EPS8: variants seen among roughly 807,000 people sequenced by gnomAD.
EPS8 encodes epidermal growth factor receptor kinase substrate 8.
A neutral mutation model predicts 103.8 loss-of-function variants in EPS8; 42 were observed. The observed-to-expected ratio is 0.40, with a 90% CI of 0.32 to 0.52. The LOEUF is 0.52. EPS8 is among the 20% of genes least tolerant of loss of function. The pLI, the probability that EPS8 is intolerant of heterozygous loss-of-function variation, is 0.40. For missense variants in EPS8, 969 were observed against 1,005.1 expected, an observed-to-expected ratio of 0.96 and a Z score of 0.49; for synonymous variants, 344 against 344.6, an observed-to-expected ratio of 1.00 and a Z score of 0.02.
chr12:15,677,153 C>T (rs2135872216), intron 3 of EPS8, among the ~76,000 whole-genome samples: 1 of 152,100 alleles, frequency 6.6e-6, no homozygotes, highest in South Asian at 2.1e-4. Context: ...AATCTGAGGA[C>T]CCAGGACAGA....
rs1243069813 is a variant in EPS8 at position 15,736,383 on chromosome 12, TAC to T, written c.-22+52776_-22+52777del. On this transcript the variant is annotated intron_variant, in intron 1 of 20. Coordinates refer to ENST00000281172, the MANE Select transcript of EPS8 (RefSeq NM_004447.6). This position sits in a 1 kb window ranked among gnomAD's most constrained non-coding sequence, Gnocchi z 4.2. ...TACTGAAGAGAATTTCATTCTTCTGTACAGAGGTTAATATAATAAAAAATCAC... is the reference window on the plus strand; with the variant it reads ...TACTGAAGAGAATTTCATTCTTCTGTAGAGGTTAATATAATAAAAAATCAC... Among the ~76,000 whole-genome samples, 8 of 152,192 alleles carry T rather than the reference TAC, an allele frequency of 5.3e-5. No individual in the cohort carries two copies. Among genetic ancestry groups the T allele is most frequent in the Non-Finnish European group, 1.2e-4 (8 of 68,036 alleles).
Position 15,669,515 on chromosome 12 carries a change from A to G in EPS8, c.388T>C (p.Leu130=). ...GCTTGGCAGTGCTGGATTGTGTTTA[A>G]AGGAAAATTCTCCAGTTCATTCTAT... ...ESKNELENFP[L]NTIQHCQAVM... The change falls in exon 6 of 21, where the codon TTA becomes CTA. Residue 130 remains leucine (L), a synonymous_variant. Coordinates refer to ENST00000281172, the MANE Select transcript of EPS8 (RefSeq NM_004447.6). 1 of 1,603,764 alleles carries G rather than the reference A, an allele frequency of 6.2e-7. No individual in the cohort carries two copies. The highest frequency in any genetic ancestry group is 8.5e-7 in the Non-Finnish European group (1 of 1,176,076).
chr12:15,768,429 CAAA>C (rs71042268), intron 1 of EPS8, among the ~76,000 whole-genome samples: 1 of 24,834 alleles, frequency 4.0e-5, no homozygotes, highest in Non-Finnish European at 7.1e-5. Flanking sequence ...GACTCCATCT[CAAA>C]AAAAAAAAAA....
At position 15,706,571 on chromosome 12, in the gene EPS8, C is replaced by T. The variant is rs1946389908; in HGVS notation, c.-21-23599G>A. Among the ~76,000 whole-genome samples, 2 of 152,160 alleles carry T rather than the reference C, an allele frequency of 1.3e-5. No homozygotes were observed. Among genetic ancestry groups the T allele is most frequent in the Admixed American group, 6.5e-5 (1 of 15,280 alleles). ...ATTTGGGCCAATATTTGCTTAATAT[C>T]TGCATTTCAAAAATAAAGTACTAGC... is the stretch of plus-strand genomic sequence containing the variant. On this transcript the variant is annotated intron_variant, in intron 1 of 20. Transcript: ENST00000281172. The surrounding 1 kb of genome is among the most constrained non-coding windows in gnomAD (Gnocchi z 5.2).
At position 15,772,835 on chromosome 12, in the gene EPS8, C is replaced by G. The variant is rs1947168392; in HGVS notation, c.-22+16326G>C. Among the ~76,000 whole-genome samples, 1 of 152,110 alleles carries G rather than the reference C, an allele frequency of 6.6e-6. No homozygotes were observed. The highest frequency in any genetic ancestry group is 2.1e-4 in the South Asian group (1 of 4,814). ...ACATTCATTCAGCAAATAGACGGGT[C>G]TACAAAGTACCAGAAACCCTAAATG... is the stretch of plus-strand genomic sequence containing the variant. On this transcript the variant is annotated intron_variant, in intron 1 of 20. Coordinates refer to ENST00000281172, the MANE Select transcript of EPS8 (RefSeq NM_004447.6). The surrounding 1 kb of genome is among the most constrained non-coding windows in gnomAD (Gnocchi z 5.0).
At chr12:15,649,141 C>T (rs1028392792) in intron 14 of EPS8, among the ~76,000 whole-genome samples, 2 of 152,054 alleles carry the variant, frequency 1.3e-5, no homozygotes, top group Admixed American at 6.6e-5. Context: ...TAGTTTATAA[C>T]AGGAAAATAA....
At chr12:15,653,838 G>GTC (rs1464772393) in intron 13 of EPS8, among the ~76,000 whole-genome samples, 18 of 152,158 alleles carry the variant, frequency 1.2e-4, no homozygotes, top group Non-Finnish European at 8.8e-5. Context: ...AACCCTATGT[G>GTC]TACCTGTCGA....
Position 15,728,921 on chromosome 12 carries a change from C to T in EPS8, c.-21-45949G>A, listed in dbSNP as rs1946683595. 6.6e-6 allele frequency among the ~76,000 whole-genome samples: 1 copy of T among 152,070 alleles called. No individual in the cohort carries two copies. Among genetic ancestry groups the T allele is most frequent in the African/African-American group, 2.4e-5 (1 of 41,414 alleles). ...AAATCCATCTTTTTTAAAAACATTT[C>T]TTGTAAGGCACTGTGCTGGCAGCAA... On this transcript the variant is annotated intron_variant, in intron 1 of 20. Coordinates refer to ENST00000281172, the MANE Select transcript of EPS8 (RefSeq NM_004447.6). The surrounding 1 kb of genome is among the most constrained non-coding windows in gnomAD (Gnocchi z 4.5).
intron 1 of EPS8, among the ~76,000 whole-genome samples, chr12:15,720,376 C>T (rs180925634): frequency 1.2e-3 from 176 of 152,122 alleles, no homozygotes; most frequent in Non-Finnish European, 2.2e-3. Flanking sequence ...TACACTTGAA[C>T]CCCTGGGCTA....
At position 15,700,097 on chromosome 12, in the gene EPS8, G is replaced by C. The variant is rs1946293294; in HGVS notation, c.-21-17125C>G. Among the ~76,000 whole-genome samples the C allele has an allele frequency of 6.6e-6, 1 of 152,210 alleles. No individual in the cohort carries two copies. Among genetic ancestry groups the C allele is most frequent in the Admixed American group, 6.5e-5 (1 of 15,276 alleles). ...TTGAACACAGGAGGCGGAAGTTGCA[G>C]TGAGCTGAGATCATGCCTCTGCACT... On this transcript the variant is annotated intron_variant, in intron 1 of 20. Transcript: ENST00000281172. This position sits in a 1 kb window ranked among gnomAD's most constrained non-coding sequence, Gnocchi z 5.1.
intron 15 of EPS8, among the ~76,000 whole-genome samples, chr12:15,644,377 CT>C (rs1371925354): frequency 5.9e-5 from 9 of 152,180 alleles, no homozygotes; most frequent in South Asian, 2.1e-4. Flanking sequence ...TCATGTGCCA[CT>C]TTTTTTTCCC....
At chr12:15,640,672 A>G (rs1159673455) in intron 17 of EPS8, 31 bp downstream of exon 17, 29 of 1,597,230 alleles carry the variant, frequency 1.8e-5, no homozygotes, top group Non-Finnish European at 2.4e-5. Flanking sequence ...AAATGTGTAC[A>G]TACTACATTT....
At position 15,693,240 on chromosome 12, in the gene EPS8, C is replaced by A. The variant is rs1205947954; in HGVS notation, c.-21-10268G>T. ...CATTCCATGTTTAGAGAATGTAAAG[C>A]TGACTGCCAAAACTTTGGCAATAAG... On this transcript the variant is annotated intron_variant, in intron 1 of 20. Transcript: ENST00000281172. This position sits in a 1 kb window ranked among gnomAD's most constrained non-coding sequence, Gnocchi z 5.6. 6.6e-6 allele frequency among the ~76,000 whole-genome samples: 1 copy of A among 152,162 alleles called. No homozygotes were observed. Among genetic ancestry groups the A allele is most frequent in the African/African-American group, 2.4e-5 (1 of 41,440 alleles).
chr12:15,731,778 G>C lies in EPS8; in HGVS notation c.-21-48806C>G, dbSNP rs145372117. Among the ~76,000 whole-genome samples the C allele has an allele frequency of 7.5e-3, 1,145 of 152,288 alleles. 20 individuals are homozygous for C. Among genetic ancestry groups the C allele is most frequent in the South Asian group, 0.012 (57 of 4,824 alleles). On this transcript the variant is annotated intron_variant, in intron 1 of 20. Transcript: ENST00000281172. This position sits in a 1 kb window ranked among gnomAD's most constrained non-coding sequence, Gnocchi z 5.1. The stretch of plus-strand genomic sequence containing the variant: ...TCCCCCAAACTGGCAGCAAAAAGCT[G>C]TTCAGTGTGCTGTTAGCTAACCCCT...
At chr12:15,788,919 A>G (rs1271757152) in intron 1 of EPS8, among the ~76,000 whole-genome samples, 1 of 151,906 alleles carries the variant, frequency 6.6e-6, no homozygotes, top group Non-Finnish European at 1.5e-5. Context: ...AGCCTCCCGG[A>G]GCCCTGGGCG....
At chr12:15,705,538 A>G (rs1946374165) in intron 1 of EPS8, among the ~76,000 whole-genome samples, 1 of 152,226 alleles carries the variant, frequency 6.6e-6, no homozygotes. Context: ...GCAATTGGAG[A>G]AGAAAACATT....
Position 15,769,482 on chromosome 12 carries a change from C to G in EPS8, c.-22+19679G>C, listed in dbSNP as rs1298132008. 6.6e-6 allele frequency among the ~76,000 whole-genome samples: 1 copy of G among 152,106 alleles called. No individual in the cohort carries two copies. Among genetic ancestry groups the G allele is most frequent in the African/African-American group, 2.4e-5 (1 of 41,434 alleles). Reference sequence around the variant, plus strand: ...GCAAACTAGCATTACAGTTATTACTCAACTTTGGAAAAATTACACAAATAT... The same window carrying G: ...GCAAACTAGCATTACAGTTATTACTGAACTTTGGAAAAATTACACAAATAT... On this transcript the variant is annotated intron_variant, in intron 1 of 20. Transcript: ENST00000281172. The surrounding 1 kb of genome is among the most constrained non-coding windows in gnomAD (Gnocchi z 4.6).
intron 6 of EPS8, among the ~76,000 whole-genome samples, chr12:15,666,919 C>T (rs1403411118): frequency 1.3e-5 from 2 of 152,132 alleles, no homozygotes; most frequent in Non-Finnish European, 2.9e-5. Flanking sequence ...ACCCATTAAC[C>T]CAGCAAAACA....
chr12:15,630,775 A>G lies in EPS8; in HGVS notation c.2044+667T>C, dbSNP rs4258430. On this transcript the variant is annotated intron_variant, in intron 18 of 20. Coordinates refer to ENST00000281172, the MANE Select transcript of EPS8 (RefSeq NM_004447.6). Reference sequence around the variant, plus strand: ...AGTGACTGCATATTACGTGTCATACAGGGGTCAAAATCAGTCAGGGGTTTT... The same window carrying G: ...AGTGACTGCATATTACGTGTCATACGGGGGTCAAAATCAGTCAGGGGTTTT... 2.8e-3 allele frequency among the ~76,000 whole-genome samples: 424 copies of G among 152,292 alleles called. 1 individual carries two copies. Among genetic ancestry groups the G allele is most frequent in the African/African-American group, 9.9e-3 (411 of 41,576 alleles).
Sources: allele counts gnomAD v4.1 joint callset (sites outside exome capture counted in the v4.1 genomes callset), GRCh38; gene constraint gnomAD v4.1.1; non-coding constraint Gnocchi (gnomAD v3.1); transcripts MANE v1.5; gene names NCBI Gene and HGNC (gene_info 2026-07-23, HGNC 2026-07-21).